PROS1: variants seen among roughly 807,000 people sequenced by gnomAD.
The protein encoded by PROS1 is vitamin K-dependent protein S.
A neutral mutation model predicts 75.9 loss-of-function variants in PROS1; 29 were observed. That is an observed-to-expected ratio of 0.38 (90% CI 0.28 to 0.52). The LOEUF (loss-of-function observed/expected upper bound fraction) is 0.52, where lower values mean the gene tolerates loss of function less well. Among genes scored for constraint, PROS1 ranks in the 20% least tolerant of loss-of-function variants. The probability of loss-of-function intolerance (pLI) is 0.83; values close to 1 mark genes in which losing one functional copy is unlikely to be tolerated. For synonymous variants in PROS1, 245 were observed against 280.6 expected, an observed-to-expected ratio of 0.87 and a Z score of 1.27; for missense variants, 680 against 810.3, an observed-to-expected ratio of 0.84 and a Z score of 1.95.
chr3:93,973,548 T>C, intron 1 of PROS1, 126 bp downstream of exon 1: 2 of 947,174 alleles, frequency 2.1e-6, no homozygotes. Context: ...CCGCTGGGTG[T>C]CTGTCGGTAC....
intron 1 of PROS1, among the ~76,000 whole-genome samples, chr3:93,955,431 A>G (rs1709583260): frequency 6.6e-6 from 1 of 152,226 alleles, no homozygotes; most frequent in South Asian, 2.1e-4. Context: ...TTGCAGGGAC[A>G]TGGATGAAGC....
intron 10 of PROS1, among the ~76,000 whole-genome samples, chr3:93,886,725 C>G (rs2107140604): frequency 6.6e-6 from 1 of 152,082 alleles, no homozygotes; most frequent in East Asian, 1.9e-4. Flanking sequence ...TAAAAGCATA[C>G]CATATTTTAA....
chr3:93,928,153 T>A (rs1259145998), intron 1 of PROS1, among the ~76,000 whole-genome samples: 4 of 148,384 alleles, frequency 2.7e-5, no homozygotes, highest in Non-Finnish European at 6.0e-5. Context: ...TAGCTGGGAT[T>A]ACTAGAATGC....
intron 4 of PROS1, among the ~76,000 whole-genome samples, chr3:93,908,025 G>A (rs1708702439): frequency 6.6e-6 from 1 of 152,110 alleles, no homozygotes; most frequent in South Asian, 2.1e-4. Context: ...GCACATGCCT[G>A]TAGTCCCAGC....
At chr3:93,931,892 G>A (rs1709111721) in intron 1 of PROS1, among the ~76,000 whole-genome samples, 1 of 152,212 alleles carries the variant, frequency 6.6e-6, no homozygotes, top group African/African-American at 2.4e-5. Context: ...AAGAAATTAT[G>A]TGGTTGTGCA....
chr3:93,874,893 G>C (rs1044603190), intron 14 of PROS1, among the ~76,000 whole-genome samples: 2 of 151,638 alleles, frequency 1.3e-5, no homozygotes, highest in African/African-American at 4.8e-5. Flanking sequence ...CAATTTTTTT[G>C]TTGAGCATAC....
In PROS1 at chr3:93,973,846, C is replaced by G. The variant is rs1709932039; in HGVS notation, c.-97G>C. The G allele has an allele frequency of 6.9e-6, 7 of 1,018,138 alleles. No individual in the cohort carries two copies. In the East Asian group the frequency reaches 1.0e-4, roughly 15 times the overall value. The allele number at this position is 1,018,138 out of a possible 1,614,324, so 63.1% of individuals were successfully genotyped here. On this transcript the variant is annotated 5_prime_UTR_variant, in exon 1 of 15. Transcript: ENST00000394236. The stretch of plus-strand genomic sequence containing the variant: ...GAGCTGCGAGCCTGTGCGCCTCGGT[C>G]TGAGCCGTGCTGCGCGGCGGCGCCA...
chr3:93,885,292 C>T (rs1400498850), intron 11 of PROS1, among the ~76,000 whole-genome samples: 1 of 152,194 alleles, frequency 6.6e-6, no homozygotes, highest in African/African-American at 2.4e-5. Context: ...GTGGCAGGAT[C>T]TTGGCTCACT....
chr3:93,955,862 C>G (rs1448267395), intron 1 of PROS1, among the ~76,000 whole-genome samples: 1 of 152,072 alleles, frequency 6.6e-6, no homozygotes, highest in Non-Finnish European at 1.5e-5. Flanking sequence ...TTTAAGTTGG[C>G]TATATCTACA....
At chr3:93,946,131 C>T (rs951056866) in intron 1 of PROS1, among the ~76,000 whole-genome samples, 5 of 152,100 alleles carry the variant, frequency 3.3e-5, no homozygotes, top group Non-Finnish European at 1.5e-5. Flanking sequence ...GAGAACTACA[C>T]ACCACTCCTC....
chr3:93,935,414 T>G (rs1373533045), intron 1 of PROS1, among the ~76,000 whole-genome samples: 5 of 152,196 alleles, frequency 3.3e-5, no homozygotes, highest in Non-Finnish European at 5.9e-5. Context: ...AAATGTTTTG[T>G]TTTTGTTCTA....
intron 1 of PROS1, among the ~76,000 whole-genome samples, chr3:93,939,254 T>A (rs1472915166): frequency 6.6e-6 from 1 of 152,148 alleles, no homozygotes; most frequent in Non-Finnish European, 1.5e-5. Context: ...GTGCCTGACG[T>A]CCAGGCATTC....
chr3:93,925,818 G>A (rs1343047769), intron 2 of PROS1, among the ~76,000 whole-genome samples: 1 of 102,960 alleles, frequency 9.7e-6, no homozygotes, highest in Non-Finnish European at 2.1e-5. Flanking sequence ...GCAAGACCCT[G>A]TCTAAAAAAA....
intron 1 of PROS1, among the ~76,000 whole-genome samples, chr3:93,956,065 A>C (rs906000448): frequency 2.6e-5 from 4 of 152,154 alleles, no homozygotes; most frequent in African/African-American, 9.7e-5. Flanking sequence ...GTTTCCATCC[A>C]TGATAGTAAA....
intron 1 of PROS1, among the ~76,000 whole-genome samples, chr3:93,955,587 G>GA (rs1382253449): frequency 5.1e-4 from 77 of 152,108 alleles, no homozygotes; most frequent in Non-Finnish European, 1.5e-4. Context: ...GGGATGGGGG[G>GA]AGGGGGGATG....
At chr3:93,943,204 T>A (rs1709316960) in intron 1 of PROS1, among the ~76,000 whole-genome samples, 1 of 152,110 alleles carries the variant, frequency 6.6e-6, no homozygotes, top group Non-Finnish European at 1.5e-5. Flanking sequence ...GGACTAATGA[T>A]CTTTTAAAAG....
intron 1 of PROS1, among the ~76,000 whole-genome samples, chr3:93,936,306 G>A (rs1223297923): frequency 6.6e-6 from 1 of 152,150 alleles, no homozygotes; most frequent in Non-Finnish European, 1.5e-5. Context: ...ACTGTTGTTT[G>A]CTATGCTCAC....
chr3:93,885,487 A>G (rs1412042435), intron 11 of PROS1, among the ~76,000 whole-genome samples: 1 of 152,056 alleles, frequency 6.6e-6, no homozygotes, highest in Non-Finnish European at 1.5e-5. Flanking sequence ...CGGCCTCCCA[A>G]ATTGCTGGGA....
At chr3:93,939,452 C>T (rs540803507) in intron 1 of PROS1, among the ~76,000 whole-genome samples, 7 of 152,192 alleles carry the variant, frequency 4.6e-5, no homozygotes, top group Non-Finnish European at 7.4e-5. Context: ...GTTTGCTCCC[C>T]GCCAGGCTGA....
Sources: allele counts gnomAD v4.1 joint callset (sites outside exome capture counted in the v4.1 genomes callset), GRCh38; gene constraint gnomAD v4.1.1; transcripts MANE v1.5; gene names NCBI Gene and HGNC (gene_info 2026-07-23, HGNC 2026-07-21).